Variants in DHRS12 observed in about 807,000 individuals in gnomAD.
The protein encoded by DHRS12 is dehydrogenase/reductase 12.
A neutral mutation model predicts 32.1 loss-of-function variants in DHRS12; 29 were observed. The ratio of observed to expected loss-of-function variants is 0.90; its 90% CI spans 0.67 to 1.23. The LOEUF (loss-of-function observed/expected upper bound fraction) is 1.23, where lower values mean the gene tolerates loss of function less well. Ranked by LOEUF, DHRS12 falls within the 50% of genes most tolerant of loss-of-function variation. DHRS12 has a pLI of 0.00. For synonymous variants in DHRS12, 150 were observed against 135.9 expected (o/e 1.10, Z -0.72); for missense variants, 330 against 337.2 (o/e 0.98, Z 0.17).
At chr13:51,784,762 T>C (rs1954875241) in intron 4 of DHRS12, among the ~76,000 whole-genome samples, 1 of 152,212 alleles carries the variant, frequency 6.6e-6, no homozygotes, top group Non-Finnish European at 1.5e-5. Flanking sequence ...TGTTCTCTGT[T>C]TTCCTCTGAG....
At chr13:51,785,086 G>T (rs183326123) in intron 4 of DHRS12, among the ~76,000 whole-genome samples, 2 of 152,284 alleles carry the variant, frequency 1.3e-5, no homozygotes, top group Admixed American at 1.3e-4. Flanking sequence ...AAATTAGATG[G>T]ATGTGGTGGC....
chr13:51,789,940 T>G lies in DHRS12; in HGVS notation c.301+71A>C, dbSNP rs557030665. ...AAGAACCAAAAAAGTTGGTCAATTTTTTTTTACCCTTCTATGGTACATTCT... is the reference window on the plus strand; with the variant it reads ...AAGAACCAAAAAAGTTGGTCAATTTGTTTTTACCCTTCTATGGTACATTCT... On this transcript the variant is annotated intron_variant, in intron 4 of 8. Transcript: ENST00000444610. 41 of 1,480,962 alleles carry G rather than the reference T, an allele frequency of 2.8e-5. 1 individual carries two copies. In the South Asian group the frequency reaches 5.7e-4, roughly 21 times the overall value. The allele number at this position is 1,480,962 out of a possible 1,614,324, so 91.7% of individuals were successfully genotyped here. A position where few individuals can be genotyped will look rare whatever the true frequency, so the allele number is the denominator to read the frequency against.
At chr13:51,796,055 A>G (rs1213927746) in intron 2 of DHRS12, among the ~76,000 whole-genome samples, 1 of 152,214 alleles carries the variant, frequency 6.6e-6, no homozygotes, top group East Asian at 1.9e-4. Context: ...ATGTTAAAAA[A>G]CTAATAAAGT....
At chr13:51,785,044 A>G (rs905636430) in intron 4 of DHRS12, among the ~76,000 whole-genome samples, 3 of 152,192 alleles carry the variant, frequency 2.0e-5, no homozygotes, top group Admixed American at 6.5e-5. Context: ...CCTGACCAAC[A>G]TAGTGAAACC....
At chr13:51,769,315 C>G in intron 7 of DHRS12, 22 bp from the exon 8 acceptor site, 1 of 1,492,020 alleles carries the variant, frequency 6.7e-7, no homozygotes, top group Non-Finnish European at 8.9e-7. Flanking sequence ...AAGGGTCAGG[C>G]GGATTAGGAC....
the DHRS12 span, chr13:51,759,900 G>T: frequency 9.9e-7 from 1 of 1,008,644 alleles, no homozygotes. Context: ...TGAATTTGCA[G>T]ATTACCCATG....
At chr13:51,780,206 T>G (rs2139094134) in intron 4 of DHRS12, among the ~76,000 whole-genome samples, 1 of 151,996 alleles carries the variant, frequency 6.6e-6, no homozygotes, top group South Asian at 2.1e-4. Flanking sequence ...AATAAATAAA[T>G]AAGAATGTCT....
chr13:51,790,060 T>C lies in DHRS12; in HGVS notation c.252A>G (p.Arg84=). ...INNAGCMVNK[R]ELTEDGLEKN... ...TTTCAAGTCCATCTTCTGTGAGCTC[T>C]CTTTTATTGACCATGCAACCTGCAT... The change falls in exon 4 of 9, where the codon AGA becomes AGG. Residue 84 remains arginine (R), a synonymous_variant. Coordinates refer to ENST00000444610, the MANE Select transcript of DHRS12 (RefSeq NM_001377533.1). The C allele has an allele frequency of 6.2e-7, 1 of 1,603,466 alleles. No homozygotes were observed. The highest frequency in any genetic ancestry group is 8.5e-7 in the Non-Finnish European group (1 of 1,176,758).
intron 1 of DHRS12, 44 bp downstream of exon 1, chr13:51,804,010 C>A: frequency 6.9e-7 from 1 of 1,440,556 alleles, no homozygotes. Flanking sequence ...CCGAGGCGGG[C>A]CACGTGACAG....
intron 1 of DHRS12, among the ~76,000 whole-genome samples, chr13:51,800,620 C>T (rs1955709095): frequency 6.6e-6 from 1 of 152,240 alleles, no homozygotes; most frequent in East Asian, 1.9e-4. Context: ...AGCCCTCCCA[C>T]AGGACCTGTT....
intron 4 of DHRS12, among the ~76,000 whole-genome samples, chr13:51,786,851 C>T (rs1954981973): frequency 6.6e-6 from 1 of 152,168 alleles, no homozygotes; most frequent in African/African-American, 2.4e-5. Flanking sequence ...TCATGTGAAT[C>T]TTAGAAAATA....
chr13:51,801,717 G>C (rs535899578), intron 1 of DHRS12, among the ~76,000 whole-genome samples: 37 of 152,304 alleles, frequency 2.4e-4, no homozygotes, highest in African/African-American at 8.7e-4. Flanking sequence ...GCTTAGCTAG[G>C]AGGAGGCATT....
In DHRS12 at chr13:51,790,007, T is replaced by C; in HGVS notation, c.301+4A>G. ...AAACAAATAAGAAAACTTCTTGTAC[T>C]TACCCAGAGTATTGGCAGCAAAGTT... On this transcript the variant is annotated splice_donor_region_variant and intron_variant, in intron 4 of 8. Transcript: ENST00000444610. 1.9e-6 allele frequency: 3 copies of C among 1,597,642 alleles called. No individual in the cohort carries two copies. Among genetic ancestry groups the C allele is most frequent in the Middle Eastern group, 3.3e-4 (2 of 5,998 alleles).
At chr13:51,788,693 A>G (rs1248435484) in intron 4 of DHRS12, among the ~76,000 whole-genome samples, 2 of 151,776 alleles carry the variant, frequency 1.3e-5, no homozygotes, top group African/African-American at 2.4e-5. Flanking sequence ...AACAACAAAA[A>G]ATTTTTAATT....
chr13:51,770,024 T>C (rs77788492), intron 7 of DHRS12, among the ~76,000 whole-genome samples: 2,411 of 152,158 alleles, frequency 0.016, 62 homozygotes, highest in African/African-American at 0.055. Flanking sequence ...AATAGTTCTC[T>C]CTCGAAGCCA....
chr13:51,762,556 G>A, the DHRS12 span: 7 of 152,206 alleles, frequency 4.6e-5, no homozygotes, highest in African/African-American at 1.7e-4. Flanking sequence ...TTTGCATTAA[G>A]TGTCTCCCCC....
chr13:51,791,895 C>A (rs1447571553), intron 2 of DHRS12, among the ~76,000 whole-genome samples: 2 of 152,190 alleles, frequency 1.3e-5, no homozygotes, highest in African/African-American at 2.4e-5. Flanking sequence ...TGGGTTAGCT[C>A]CTCCAGGTTC....
At chr13:51,789,235 AC>A (rs904644507) in intron 4 of DHRS12, among the ~76,000 whole-genome samples, 24 of 151,832 alleles carry the variant, frequency 1.6e-4, no homozygotes, top group Non-Finnish European at 2.4e-4. Flanking sequence ...TAATTAAAAC[AC>A]CCCCCTCACT....
intron 1 of DHRS12, among the ~76,000 whole-genome samples, chr13:51,799,966 T>C (rs1199727882): frequency 6.6e-6 from 1 of 152,074 alleles, no homozygotes; most frequent in Non-Finnish European, 1.5e-5. Context: ...AGAAAAAAAA[T>C]CCCTTGACAG....
Sources: allele counts gnomAD v4.1 joint callset (sites outside exome capture counted in the v4.1 genomes callset), GRCh38; gene constraint gnomAD v4.1.1; transcripts MANE v1.5; gene names NCBI Gene and HGNC (gene_info 2026-07-23, HGNC 2026-07-21).